The following ACYP2 variants were observed in gnomAD, a reference collection of about 807,000 sequenced individuals.
ACYP2 encodes the protein acylphosphatase-2.
ACYP2 carries 12 observed loss-of-function variants against 11.2 expected under a neutral mutation model. The observed-to-expected ratio is 1.08, with a 90% confidence interval of 0.69 to 1.74. The LOEUF (loss-of-function observed/expected upper bound fraction) is 1.74, where lower values mean the gene tolerates loss of function less well. ACYP2 is among the 40% of genes most tolerant of loss of function. The probability of loss-of-function intolerance (pLI) is 0.00; values close to 1 mark genes in which losing one functional copy is unlikely to be tolerated. For synonymous variants in ACYP2, 43 were observed against 32.2 expected, an observed-to-expected ratio of 1.33 and a Z score of -1.13; for missense variants, 134 against 101.9, an observed-to-expected ratio of 1.31 and a Z score of -1.35.
intron 6 of ACYP2, among the ~76,000 whole-genome samples, chr2:54,204,222 C>G (rs1264766340): frequency 1.3e-5 from 2 of 151,814 alleles, no homozygotes; most frequent in Non-Finnish European, 2.9e-5. Flanking sequence ...TGGTCTCGAA[C>G]TCCTGACCTC....
intron 6 of ACYP2, among the ~76,000 whole-genome samples, chr2:54,302,250 A>G (rs1351304375): frequency 1.3e-5 from 2 of 152,128 alleles, no homozygotes; most frequent in African/African-American, 4.8e-5. Flanking sequence ...TCATGCCACC[A>G]CAACTGCTCC....
chr2:54,068,267 A>G (rs1004649494), intron 4 of ACYP2, among the ~76,000 whole-genome samples: 2 of 152,184 alleles, frequency 1.3e-5, no homozygotes, highest in Non-Finnish European at 2.9e-5. Flanking sequence ...ACTCTTTAGT[A>G]TATCTTCCTA....
intron 6 of ACYP2, among the ~76,000 whole-genome samples, chr2:54,241,310 G>A (rs529682363): frequency 6.6e-6 from 1 of 152,290 alleles, no homozygotes; most frequent in South Asian, 2.1e-4. Context: ...TTATAACACA[G>A]GGTGTTCTTG....
chr2:53,990,014 C>T (rs1462227491), intron 2 of ACYP2, among the ~76,000 whole-genome samples: 4 of 143,374 alleles, frequency 2.8e-5, no homozygotes, highest in Admixed American at 7.4e-5. Flanking sequence ...GAGTCTTGCT[C>T]TGTTGCCCAG....
At chr2:54,117,397 G>C (rs187230049) in intron 4 of ACYP2, among the ~76,000 whole-genome samples, 1 of 152,328 alleles carries the variant, frequency 6.6e-6, no homozygotes, top group Admixed American at 6.5e-5. Context: ...CTGGGCTCAA[G>C]TGATCTTCTG....
chr2:54,230,233 T>C (rs1686173228), intron 6 of ACYP2, among the ~76,000 whole-genome samples: 1 of 152,202 alleles, frequency 6.6e-6, no homozygotes, highest in African/African-American at 2.4e-5. Flanking sequence ...AACTAAGAGG[T>C]AGGCACCCTT....
chr2:54,029,546 A>ATT (rs1674474109), intron 2 of ACYP2: 1 of 402,330 alleles, frequency 2.5e-6, no homozygotes, highest in African/African-American at 2.1e-5. Context: ...GTTCTCTCAC[A>ATT]TTGTCTTCTC....
At chr2:54,127,790 C>A (rs1075265) in intron 4 of ACYP2, among the ~76,000 whole-genome samples, 1 of 149,358 alleles carries the variant, frequency 6.7e-6, no homozygotes, top group African/African-American at 2.5e-5. Context: ...AATTTCATCA[C>A]CTGGAAGGAA....
At chr2:54,240,166 G>A (rs1433917017) in intron 6 of ACYP2, among the ~76,000 whole-genome samples, 1 of 152,184 alleles carries the variant, frequency 6.6e-6, no homozygotes, top group Non-Finnish European at 1.5e-5. Context: ...GTAGCACTGA[G>A]AATGCCCATA....
At chr2:54,290,024 G>C (rs934541309) in intron 6 of ACYP2, among the ~76,000 whole-genome samples, 2 of 151,942 alleles carry the variant, frequency 1.3e-5, no homozygotes, top group South Asian at 2.1e-4. Context: ...TTCTTGTGTC[G>C]TTAGCCGCCT....
rs576403831 is a variant in ACYP2, at chr2:54,082,269, G to A, written c.277+24909G>A. ...TTTTTTTTTCTTTTTTTTTTGAGAT[G>A]AAGTCTCACTCTATCGCCCAGGCTG... On this transcript the variant is annotated intron_variant, in intron 4 of 6. Coordinates refer to ENST00000607452, the MANE Select transcript of ACYP2 (RefSeq NM_001320586.2). 2.1e-5 allele frequency among the ~76,000 whole-genome samples: 3 copies of A among 143,420 alleles called. No individual in the cohort carries two copies. In the East Asian group the frequency reaches 6.3e-4, roughly 30 times the overall value. The allele number at this position is 143,420 out of a possible 152,430, so 94.1% of individuals were successfully genotyped here. A position where few individuals can be genotyped will look rare whatever the true frequency, so the allele number is the denominator to read the frequency against.
chr2:53,973,590 T>C, intron 1 of ACYP2: 1 of 196,716 alleles, frequency 5.1e-6, no homozygotes, highest in Non-Finnish European at 1.0e-5. Context: ...TCCCCACCCT[T>C]GAGAATGTAC....
intron 4 of ACYP2, among the ~76,000 whole-genome samples, chr2:54,093,678 C>T (rs921817676): frequency 5.3e-5 from 8 of 152,214 alleles, no homozygotes; most frequent in Admixed American, 3.9e-4. Flanking sequence ...TGGTGGCTCA[C>T]GCCTGTAATT....
chr2:54,229,629 A>G (rs1357071044), intron 6 of ACYP2, among the ~76,000 whole-genome samples: 2 of 152,154 alleles, frequency 1.3e-5, no homozygotes, highest in East Asian at 1.9e-4. Flanking sequence ...GAGAAAAACA[A>G]AAACATTTTA....
At chr2:54,143,784 G>T (rs1681749928) in intron 6 of ACYP2, among the ~76,000 whole-genome samples, 2 of 49,178 alleles carry the variant, frequency 4.1e-5, no homozygotes, top group Non-Finnish European at 4.0e-5. Context: ...ATCATGTTTT[G>T]ATTTTAAAGT....
chr2:54,174,541 GC>G (rs1448799565), intron 6 of ACYP2, among the ~76,000 whole-genome samples: 3 of 152,068 alleles, frequency 2.0e-5, no homozygotes, highest in Non-Finnish European at 2.9e-5. Context: ...GATTGCCCTG[GC>G]CAGAACTTCC....
intron 2 of ACYP2, among the ~76,000 whole-genome samples, chr2:54,025,208 C>G (rs1674217193): frequency 6.6e-6 from 1 of 152,080 alleles, no homozygotes; most frequent in Non-Finnish European, 1.5e-5. Flanking sequence ...TCTCATCATT[C>G]TTCACATAAC....
intron 2 of ACYP2, among the ~76,000 whole-genome samples, chr2:53,985,698 G>A (rs6724389): frequency 0.64 from 97,162 of 152,016 alleles, 32,786 homozygotes; most frequent in East Asian, 0.92. Flanking sequence ...TTAATCCTCA[G>A]TGTTGGAGTT....
chr2:54,206,144 T>C (rs1685062716), intron 6 of ACYP2, among the ~76,000 whole-genome samples: 1 of 152,218 alleles, frequency 6.6e-6, no homozygotes, highest in African/African-American at 2.4e-5. Context: ...CACTGCCTCC[T>C]CACCCTCTTA....
Sources: allele counts gnomAD v4.1 joint callset (sites outside exome capture counted in the v4.1 genomes callset), GRCh38; gene constraint gnomAD v4.1.1; transcripts MANE v1.5; gene names NCBI Gene and HGNC (gene_info 2026-07-23, HGNC 2026-07-21).